FLT3: variants seen among roughly 807,000 people sequenced by gnomAD.
FLT3 encodes fms related receptor tyrosine kinase 3.
Under a neutral mutation model 126.6 loss-of-function variants are expected in FLT3, and 46 were observed. The ratio of observed to expected loss-of-function variants is 0.36; its 90% CI spans 0.29 to 0.46. The LOEUF (loss-of-function observed/expected upper bound fraction) is 0.46, where lower values mean the gene tolerates loss of function less well. Among genes scored for constraint, FLT3 ranks in the 20% least tolerant of loss-of-function variants. The pLI, the probability that FLT3 is intolerant of heterozygous loss-of-function variation, is 1.00. For missense variants in FLT3, 1,069 were observed against 1,190.3 expected (o/e 0.90, Z 1.50); for synonymous variants, 404 against 434.4 (o/e 0.93, Z 0.87).
intron 22 of FLT3, 101 bp downstream of exon 22, chr13:28,015,056 G>A (rs1006414238): frequency 3.4e-5 from 24 of 705,048 alleles, no homozygotes; most frequent in African/African-American, 1.3e-4. Flanking sequence ...AATCCTATAC[G>A]CTTTGCACTA....
intron 1 of FLT3, among the ~76,000 whole-genome samples, chr13:28,096,933 T>C (rs1033471114): frequency 2.0e-5 from 3 of 152,112 alleles, no homozygotes; most frequent in Admixed American, 2.0e-4. Context: ...TAGCAAGAAA[T>C]AGGTATTCTG....
intron 1 of FLT3, among the ~76,000 whole-genome samples, chr13:28,091,523 C>T (rs1048421792): frequency 4.6e-5 from 7 of 151,934 alleles, no homozygotes; most frequent in Non-Finnish European, 8.8e-5. Flanking sequence ...GCCCGGCCCC[C>T]CATTTTCTTC....
intron 1 of FLT3, among the ~76,000 whole-genome samples, chr13:28,089,071 G>A (rs1261142763): frequency 6.6e-6 from 1 of 152,138 alleles, no homozygotes; most frequent in Non-Finnish European, 1.5e-5. Context: ...ACAAAATATA[G>A]GATGACAATT....
chr13:28,045,934 CA>C lies in FLT3; in HGVS notation c.1205+2340del, dbSNP rs57916548. On this transcript the variant is annotated intron_variant, in intron 9 of 23. Coordinates refer to ENST00000241453, the MANE Select transcript of FLT3 (RefSeq NM_004119.3). ...TTGATGCCTCTAAGGCAATGGTTCTCAAAAAAAAAAAAAAAAAAAATGCCAG... is the reference window on the plus strand; with the variant it reads ...TTGATGCCTCTAAGGCAATGGTTCTCAAAAAAAAAAAAAAAAAAATGCCAG... Among the ~76,000 whole-genome samples, 1,109 of 122,748 alleles carry C rather than the reference CA, an allele frequency of 9.0e-3. 12 individuals are homozygous for C. The highest frequency in any genetic ancestry group is 0.034 in the African/African-American group (1,044 of 31,144). The allele number at this position is 122,748 out of a possible 152,430, so 80.5% of individuals were successfully genotyped here. A position where few individuals can be genotyped will look rare whatever the true frequency, so the allele number is the denominator to read the frequency against.
intron 19 of FLT3, among the ~76,000 whole-genome samples, chr13:28,022,188 C>T (rs909451519): frequency 2.0e-5 from 3 of 152,072 alleles, no homozygotes; most frequent in Non-Finnish European, 4.4e-5. Flanking sequence ...CAGACACACA[C>T]CATGAACATC....
rs764665398 is a variant in FLT3, at chr13:28,018,547, G to A, written c.2461C>T (p.His821Tyr). Residue 821 changes from histidine to tyrosine, a missense_variant, in exon 20 of 24, where the codon CAC (histidine) becomes TAC (tyrosine). By Grantham distance (83) the His-to-Tyr change is moderately conservative. Transcript: ENST00000241453. Reference protein sequence around the residue: ...DLAARNVLVTHGKVVKICDFG... With the variant: ...DLAARNVLVTYGKVVKICDFG... ...TCACATATCTTCACCACTTTCCCGTGGGTGACAAGCACGTTCCTGGCGGCC... is the reference window on the plus strand; with the variant it reads ...TCACATATCTTCACCACTTTCCCGTAGGTGACAAGCACGTTCCTGGCGGCC... The A allele has an allele frequency of 1.5e-5, 24 of 1,613,906 alleles. No individual in the cohort carries two copies. In the South Asian group the frequency reaches 2.4e-4, roughly 16 times the overall value.
Position 28,100,107 on chromosome 13 carries a change from G to T in FLT3, c.43+361C>A, listed in dbSNP as rs749203565. ...GCCACCTGGCGCCGAGTTCGCGGCC[G>T]CAGACTCCCACGGACGGCCCAGCAC... On this transcript the variant is annotated intron_variant, in intron 1 of 23. Transcript: ENST00000241453. The surrounding 1 kb of genome is among the most constrained non-coding windows in gnomAD (Gnocchi z 4.8). Among the ~76,000 whole-genome samples the T allele has an allele frequency of 6.6e-6, 1 of 152,162 alleles. No individual in the cohort carries two copies.
intron 23 of FLT3, among the ~76,000 whole-genome samples, chr13:28,012,350 A>G (rs1871465715): frequency 6.6e-6 from 1 of 152,116 alleles, no homozygotes; most frequent in Non-Finnish European, 1.5e-5. Context: ...GGGGACAGGA[A>G]AGGAGAAGCT....
chr13:28,030,891 G>A (rs995276720), intron 15 of FLT3, among the ~76,000 whole-genome samples: 5 of 151,682 alleles, frequency 3.3e-5, no homozygotes, highest in Admixed American at 2.0e-4. Context: ...GTGACAGAGT[G>A]AGACCCTATC....
intron 1 of FLT3, among the ~76,000 whole-genome samples, chr13:28,090,306 G>A (rs1342392571): frequency 6.6e-6 from 1 of 151,048 alleles, no homozygotes; most frequent in African/African-American, 2.5e-5. Flanking sequence ...AAAGTGCTGG[G>A]ATTACAGGTT....
rs1873614015 is a variant in FLT3 at position 28,034,155 on chromosome 13, C to T, written c.1764G>A (p.Glu588=). ...MVQVTGSSDN[E]YFYVDFREYE... is the part of the protein sequence containing the mutation. ...ATTCTCTGAAATCAACGTAGAAGTA[C>T]TCATTATCTGAGGAGCCGGTCACCT... is the stretch of plus-strand genomic sequence containing the variant. Residue 588 remains glutamate (E), a synonymous_variant, in exon 14 of 24, where the codon GAG becomes GAA. Transcript: ENST00000241453. 6.2e-7 allele frequency: 1 copy of T among 1,613,836 alleles called. No homozygotes were observed. Among genetic ancestry groups the T allele is most frequent in the Admixed American group, 1.7e-5 (1 of 60,004 alleles).
intron 1 of FLT3, among the ~76,000 whole-genome samples, chr13:28,076,484 A>C (rs1877936601): frequency 6.6e-6 from 1 of 152,166 alleles, no homozygotes. Flanking sequence ...CCTCAAAACC[A>C]AGGAAGCCAA....
In FLT3 at chr13:28,016,594, G is replaced by A. The variant is rs73436951; in HGVS notation, c.2542-893C>T. On this transcript the variant is annotated intron_variant, in intron 20 of 23. Coordinates refer to ENST00000241453, the MANE Select transcript of FLT3 (RefSeq NM_004119.3). ...GTACTGATTTTCTTTTACATGGGTT[G>A]ACGAGTCCTTCACAGCACATGTTTA... Among the ~76,000 whole-genome samples, 1,402 of 152,266 alleles carry A rather than the reference G, an allele frequency of 9.2e-3. 26 individuals are homozygous for A. The highest frequency in any genetic ancestry group is 0.032 in the African/African-American group (1,333 of 41,546).
chr13:28,078,029 C>T (rs1298340170), intron 1 of FLT3, among the ~76,000 whole-genome samples: 1 of 152,194 alleles, frequency 6.6e-6, no homozygotes, highest in Non-Finnish European at 1.5e-5. Flanking sequence ...AGCTCCGCCC[C>T]TGTGGCTTTG....
At chr13:28,022,412 C>T (rs1384865186) in intron 19 of FLT3, among the ~76,000 whole-genome samples, 3 of 151,688 alleles carry the variant, frequency 2.0e-5, no homozygotes, top group African/African-American at 4.8e-5. Context: ...CACGGAAGGC[C>T]GAGGCATGAG....
chr13:28,059,148 TAAGAGAAGAATGTA>T (rs1165868439), intron 3 of FLT3, among the ~76,000 whole-genome samples: 1 of 152,208 alleles, frequency 6.6e-6, no homozygotes, highest in African/African-American at 2.4e-5. Context: ...GCAAATCACT[TAAGAGAAGAATGTA>T]TTTGACCTTA....
At chr13:28,022,651 G>A (rs576788281) in intron 19 of FLT3, among the ~76,000 whole-genome samples, 28 of 152,266 alleles carry the variant, frequency 1.8e-4, no homozygotes, top group Middle Eastern at 3.4e-3. Context: ...AGAAAAATGA[G>A]GGGGAAGAAT....
intron 2 of FLT3, among the ~76,000 whole-genome samples, chr13:28,069,898 G>C (rs1251020610): frequency 6.6e-6 from 1 of 152,114 alleles, no homozygotes; most frequent in Non-Finnish European, 1.5e-5. Context: ...AGGATCAGTT[G>C]AGCCCAGGAG....
At chr13:28,032,279 G>C (rs1028130225) in intron 15 of FLT3, among the ~76,000 whole-genome samples, 1 of 152,162 alleles carries the variant, frequency 6.6e-6, no homozygotes, top group Non-Finnish European at 1.5e-5. Context: ...GAAAGGAGAC[G>C]CAAGCATGAG....
Sources: allele counts gnomAD v4.1 joint callset (sites outside exome capture counted in the v4.1 genomes callset), GRCh38; gene constraint gnomAD v4.1.1; non-coding constraint Gnocchi (gnomAD v3.1); transcripts MANE v1.5; gene names NCBI Gene and HGNC (gene_info 2026-07-23, HGNC 2026-07-21).